Variants in DLGAP2 observed in about 807,000 individuals in gnomAD.
DLGAP2 encodes DLG associated protein 2.
A neutral mutation model predicts 100.3 loss-of-function variants in DLGAP2; 26 were observed. The observed-to-expected ratio is 0.26, with a 90% confidence interval of 0.19 to 0.36. The LOEUF (loss-of-function observed/expected upper bound fraction) is 0.36, where lower values mean the gene tolerates loss of function less well. Ranked by LOEUF, DLGAP2 falls within the 10% of genes least tolerant of loss-of-function variation. The pLI is 1.00. For synonymous variants in DLGAP2, 886 were observed against 630.1 expected (o/e 1.41, Z -6.08); for missense variants, 1,858 against 1,453.2 (o/e 1.28, Z -4.53).
intron 2 of DLGAP2, among the ~76,000 whole-genome samples, chr8:975,507 G>C (rs1190954933): frequency 6.6e-6 from 1 of 152,142 alleles, no homozygotes; most frequent in African/African-American, 2.4e-5. Flanking sequence ...AGCAAAGTAT[G>C]AGGGAATCAA....
chr8:939,895 C>A (rs558831571), intron 2 of DLGAP2, among the ~76,000 whole-genome samples: 1 of 151,528 alleles, frequency 6.6e-6, no homozygotes, highest in South Asian at 2.1e-4. Flanking sequence ...CACTCGGAGG[C>A]CCCAGGCTGC....
intron 10 of DLGAP2, among the ~76,000 whole-genome samples, chr8:1,672,311 C>G (rs1160908290): frequency 6.6e-6 from 1 of 151,404 alleles, no homozygotes; most frequent in Non-Finnish European, 1.5e-5. Flanking sequence ...CTGCAGCCTC[C>G]GCCTCCACCT....
chr8:1,455,428 G>C (rs1322817065), intron 3 of DLGAP2, among the ~76,000 whole-genome samples: 3 of 152,254 alleles, frequency 2.0e-5, no homozygotes, highest in East Asian at 3.9e-4. Flanking sequence ...TCAGGACTCA[G>C]CTGTCGGGGA....
Position 1,190,943 on chromosome 8 carries a change from G to A in DLGAP2, c.74-67908G>A, listed in dbSNP as rs141776237. ...TCCTATGGAAGCCGTCCCATGGTGC[G>A]ACATCCCCAGCAGCGCAGCGAGGGG... On this transcript the variant is annotated intron_variant, in intron 2 of 14. Coordinates refer to ENST00000637795, the MANE Select transcript of DLGAP2 (RefSeq NM_001346810.2). 1.8e-3 allele frequency among the ~76,000 whole-genome samples: 267 copies of A among 152,204 alleles called. 1 individual carries two copies. The highest frequency in any genetic ancestry group is 2.3e-3 in the Non-Finnish European group (159 of 68,018).
rs1041349198 is a variant in DLGAP2, at chr8:1,678,363, C to A, written c.2438C>A (p.Thr813Asn). The A allele has an allele frequency of 1.2e-6, 2 of 1,614,028 alleles. No individual in the cohort carries two copies. The highest frequency in any genetic ancestry group is 3.3e-5 in the Admixed American group (2 of 60,032). The change falls in exon 12 of 15, where the codon ACC becomes AAC. Residue 813 changes from threonine (T) to asparagine (N), a missense_variant. By Grantham distance (65) the Thr-to-Asn change is moderately conservative. Coordinates refer to ENST00000637795, the MANE Select transcript of DLGAP2 (RefSeq NM_001346810.2). ...FQRHSEPSTPTQYSAVRTVRT... is the reference protein window; with the variant it reads ...FQRHSEPSTPNQYSAVRTVRT... ...CGGCACTCCGAGCCCAGCACCCCCA[C>A]CCAGTACAGCGCGGTGAGAACTGTA...
intron 3 of DLGAP2, among the ~76,000 whole-genome samples, chr8:1,276,656 C>T (rs2116940699): frequency 6.6e-6 from 1 of 150,918 alleles, no homozygotes; most frequent in Admixed American, 6.8e-5. Context: ...CACACGTCCC[C>T]AGACTCCTCT....
intron 3 of DLGAP2, among the ~76,000 whole-genome samples, chr8:1,377,245 C>G (rs1188780562): frequency 6.6e-6 from 1 of 152,226 alleles, no homozygotes; most frequent in Admixed American, 6.5e-5. Flanking sequence ...GAGGGGGCTG[C>G]TTAATGCACA....
intron 1 of DLGAP2, among the ~76,000 whole-genome samples, chr8:772,513 G>C (rs1585846962): frequency 6.6e-6 from 1 of 151,786 alleles, no homozygotes; most frequent in Non-Finnish European, 1.5e-5. Context: ...AGTAGAGACG[G>C]GGTTTCACCA....
chr8:1,524,474 A>G (rs1800722053), intron 4 of DLGAP2, among the ~76,000 whole-genome samples: 1 of 152,016 alleles, frequency 6.6e-6, no homozygotes, highest in African/African-American at 2.4e-5. Flanking sequence ...GGCTTAAACA[A>G]CGGACGTTGA....
In DLGAP2 at chr8:1,026,053, A is replaced by G. The variant is rs1047922430; in HGVS notation, c.73+118087A>G. Among the ~76,000 whole-genome samples the G allele has an allele frequency of 2.6e-5, 4 of 152,322 alleles. No homozygotes were observed. The South Asian group carries it at 6.2e-4, about 24-fold the overall frequency. ...CCGGCCCGTCCAGGCCGCCTCCAGC[A>G]CCACCATGCACTTCGTCCCGGCTTC... On this transcript the variant is annotated intron_variant, in intron 2 of 14. Transcript: ENST00000637795.
chr8:1,681,282 CTTTCAA>C (rs773489323), intron 12 of DLGAP2, among the ~76,000 whole-genome samples: 7 of 151,950 alleles, frequency 4.6e-5, no homozygotes, highest in African/African-American at 7.3e-5. Flanking sequence ...TTAGTGCATA[CTTTCAA>C]TTTCATTTTT....
intron 3 of DLGAP2, among the ~76,000 whole-genome samples, chr8:1,420,973 A>G (rs1363287978): frequency 6.6e-6 from 1 of 152,114 alleles, no homozygotes; most frequent in Non-Finnish European, 1.5e-5. Flanking sequence ...GTTGCTTCCC[A>G]AAGAGCGGGG....
intron 4 of DLGAP2, among the ~76,000 whole-genome samples, chr8:1,544,312 T>C (rs1440972673): frequency 2.0e-5 from 3 of 152,356 alleles, no homozygotes; most frequent in African/African-American, 7.2e-5. Context: ...TGCTAATGTA[T>C]AGAAATACAA....
At position 1,706,011 on chromosome 8, in the gene DLGAP2, C is replaced by A. The variant is rs1364699869; in HGVS notation, c.*4605C>A. On this transcript the variant is annotated 3_prime_UTR_variant, in exon 15 of 15. Coordinates refer to ENST00000637795, the MANE Select transcript of DLGAP2 (RefSeq NM_001346810.2). ...CATGACACACACCACATAAGGTCAG[C>A]TCAGAGCCCATGGCTTCCCTGCAGG... 1 of 152,248 alleles carries A rather than the reference C, an allele frequency of 6.6e-6. No homozygotes were observed. The highest frequency in any genetic ancestry group is 6.5e-5 in the Admixed American group (1 of 15,276). 9.4% of individuals were successfully genotyped at this position (152,248 alleles called of 1,614,324 possible). A position where few individuals can be genotyped will look rare whatever the true frequency, so the allele number is the denominator to read the frequency against.
At chr8:1,525,986 C>CA (rs1800778749) in intron 4 of DLGAP2, among the ~76,000 whole-genome samples, 1 of 151,984 alleles carries the variant, frequency 6.6e-6, no homozygotes. Flanking sequence ...GAATGGGGGA[C>CA]ATTTGCATTA....
chr8:759,092 G>GTTATCAATACCCCCCACAGCCTTCCCA (rs1820998394), intron 1 of DLGAP2, among the ~76,000 whole-genome samples: 1 of 13,688 alleles, frequency 7.3e-5, no homozygotes, highest in African/African-American at 2.1e-4. Flanking sequence ...CAGCCTTCCT[G>GTTATCAATACCCCCCACAGCCTTCCCA]TTATCAATAC....
intron 1 of DLGAP2, among the ~76,000 whole-genome samples, chr8:779,596 G>A (rs1425615636): frequency 6.6e-6 from 1 of 151,602 alleles, no homozygotes; most frequent in African/African-American, 2.4e-5. Context: ...CCCAAAGTGT[G>A]GGGATTACAG....
intron 6 of DLGAP2, among the ~76,000 whole-genome samples, chr8:1,592,746 C>T (rs1298934798): frequency 6.6e-6 from 1 of 152,096 alleles, no homozygotes; most frequent in Non-Finnish European, 1.5e-5. Flanking sequence ...TAAATTATGA[C>T]CTCCTCAAAT....
chr8:1,198,734 G>A (rs1367364171), intron 2 of DLGAP2, among the ~76,000 whole-genome samples: 4 of 152,204 alleles, frequency 2.6e-5, no homozygotes, highest in African/African-American at 9.7e-5. Context: ...CTGGGTGTGC[G>A]GGAAGGTGTC....
Sources: allele counts gnomAD v4.1 joint callset (sites outside exome capture counted in the v4.1 genomes callset), GRCh38; gene constraint gnomAD v4.1.1; transcripts MANE v1.5; gene names NCBI Gene and HGNC (gene_info 2026-07-23, HGNC 2026-07-21).